The following CFAP61 variants were observed in gnomAD, a reference collection of about 807,000 sequenced individuals.
CFAP61 encodes cilia- and flagella-associated protein 61.
CFAP61 carries 107 observed loss-of-function variants against 135.6 expected under a neutral mutation model. The ratio of observed to expected loss-of-function variants is 0.79; its 90% CI spans 0.67 to 0.93. The LOEUF is 0.93. Ranked by LOEUF, CFAP61 falls within the 40% of genes least tolerant of loss-of-function variation. CFAP61 has a pLI of 0.00. For missense variants in CFAP61, 1,507 were observed against 1,556.2 expected, an observed-to-expected ratio of 0.97 and a Z score of 0.53; for synonymous variants, 575 against 578.5, an observed-to-expected ratio of 0.99 and a Z score of 0.09.
At chr20:20,302,013 A>G (rs1320209173) in intron 25 of CFAP61, among the ~76,000 whole-genome samples, 1 of 152,232 alleles carries the variant, frequency 6.6e-6, no homozygotes, top group Non-Finnish European at 1.5e-5. Flanking sequence ...TGAGTCCAAT[A>G]TCATAACATA....
chr20:20,358,240 G>A (rs930073897), intron 26 of CFAP61, among the ~76,000 whole-genome samples: 2 of 146,592 alleles, frequency 1.4e-5, no homozygotes, highest in East Asian at 2.0e-4. Context: ...CTGAGGGGAA[G>A]TGGTCACACT....
chr20:20,240,133 CT>C (rs2049912438), intron 18 of CFAP61, among the ~76,000 whole-genome samples: 1 of 152,168 alleles, frequency 6.6e-6, no homozygotes, highest in Non-Finnish European at 1.5e-5. Context: ...TGACACCCCC[CT>C]GGAGCATGCC....
At chr20:20,123,912 C>T (rs935044153) in intron 8 of CFAP61, among the ~76,000 whole-genome samples, 2 of 148,164 alleles carry the variant, frequency 1.3e-5, no homozygotes, top group African/African-American at 5.0e-5. Context: ...TTTCTTTCAG[C>T]AGTGTTTTGT....
At chr20:20,056,579 G>A (rs950229617) in intron 1 of CFAP61, 39 bp from the exon 2 acceptor site, 84 of 1,407,648 alleles carry the variant, frequency 6.0e-5, no homozygotes, top group Admixed American at 4.2e-4. Flanking sequence ...AGTTTTGTGT[G>A]TATTATAACC....
chr20:20,110,470 A>G (rs1388092199), intron 8 of CFAP61, among the ~76,000 whole-genome samples: 1 of 152,172 alleles, frequency 6.6e-6, no homozygotes, highest in East Asian at 1.9e-4. Context: ...ATAGATTAGA[A>G]TGCGGAAACA....
intron 6 of CFAP61, chr20:20,085,037 G>T (rs1159282359): frequency 1.2e-6 from 1 of 861,982 alleles, no homozygotes; most frequent in Non-Finnish European, 1.4e-6. Context: ...GACACATTCA[G>T]AATGGAAGAT....
At chr20:20,056,004 G>A in intron 1 of CFAP61, 1 of 1,608,424 alleles carries the variant, frequency 6.2e-7, no homozygotes, top group Non-Finnish European at 8.5e-7. Context: ...GTTCTCCACT[G>A]TTGCCGTCAT....
intron 22 of CFAP61, among the ~76,000 whole-genome samples, chr20:20,287,592 A>G (rs1162503953): frequency 6.6e-6 from 1 of 152,222 alleles, no homozygotes; most frequent in Non-Finnish European, 1.5e-5. Flanking sequence ...GGGGCTGGCT[A>G]CCTCTTGCCC....
chr20:20,304,245 GAGAC>G (rs1569272264), intron 25 of CFAP61, among the ~76,000 whole-genome samples: 1 of 150,424 alleles, frequency 6.6e-6, no homozygotes, highest in Admixed American at 6.6e-5. Flanking sequence ...ACTGAAGAGA[GAGAC>G]AGAACTAATC....
At position 20,253,010 on chromosome 20, in the gene CFAP61, T is replaced by C. The variant is rs537187217; in HGVS notation, c.2328+1247T>C. 5.9e-5 allele frequency among the ~76,000 whole-genome samples: 9 copies of C among 152,328 alleles called. No individual in the cohort carries two copies. The South Asian group carries it at 1.0e-3, about 18-fold the overall frequency. ...AGCTGAGAACCACAAGCTTGCACTT[T>C]CTTGACTAAGAATTCCTCATCTATA... is the stretch of plus-strand genomic sequence containing the variant. On this transcript the variant is annotated intron_variant, in intron 20 of 26. Transcript: ENST00000245957.
rs200616337 is a variant in CFAP61 at position 20,129,617 on chromosome 20, GT to G, written c.860-13226del. Among the ~76,000 whole-genome samples the G allele has an allele frequency of 5.0e-3, 692 of 139,590 alleles. 16 individuals carry two copies. Among genetic ancestry groups the G allele is most frequent in the African/African-American group, 0.011 (429 of 37,744 alleles). The allele number at this position is 139,590 out of a possible 152,430, so 91.6% of individuals were successfully genotyped here. ...TTATCTCTTTCTCAAATTTTGGAAA[GT>G]TTTTTTTTTTTTTAATAAACTTTCT... is the stretch of plus-strand genomic sequence containing the variant. On this transcript the variant is annotated intron_variant, in intron 8 of 26. Transcript: ENST00000245957.
chr20:20,183,058 G>A (rs544987498), intron 13 of CFAP61, among the ~76,000 whole-genome samples: 2 of 152,280 alleles, frequency 1.3e-5, no homozygotes, highest in African/African-American at 4.8e-5. Flanking sequence ...ACCCAGTGTG[G>A]AAGGAATAGT....
chr20:20,164,203 T>C lies in CFAP61; in HGVS notation c.1180T>C (p.Cys394Arg). ...ASAAFCIQLF[C>R]IDEKYEARSL... ...AGCTGCTTTTTGTATTCAGCTGTTT[T>C]GTATTGATGAGAAATATGAAGCAAG... is the stretch of plus-strand genomic sequence containing the variant. Residue 394 changes from cysteine (C) to arginine (R), a missense_variant, in exon 11 of 27, where the codon TGT (cysteine) becomes CGT (arginine). By Grantham distance (180) the Cys-to-Arg change is radical. Coordinates refer to ENST00000245957, the MANE Select transcript of CFAP61 (RefSeq NM_015585.4). The C allele has an allele frequency of 6.2e-7, 1 of 1,613,874 alleles. No homozygotes were observed. Among genetic ancestry groups the C allele is most frequent in the South Asian group, 1.1e-5 (1 of 91,012 alleles).
chr20:20,079,106 T>C (rs183074284), intron 6 of CFAP61, among the ~76,000 whole-genome samples: 1 of 152,326 alleles, frequency 6.6e-6, no homozygotes, highest in African/African-American at 2.4e-5. Flanking sequence ...GAACTTTGGG[T>C]GAGAGGAAGG....
chr20:20,300,233 T>C (rs1484099108), intron 25 of CFAP61, among the ~76,000 whole-genome samples: 2 of 152,194 alleles, frequency 1.3e-5, no homozygotes, highest in Non-Finnish European at 2.9e-5. Flanking sequence ...CTGTCTTATG[T>C]ATTTACTATA....
rs183227908 is a variant in CFAP61 at position 20,192,575 on chromosome 20, T to A, written c.1590+1156T>A. ...CAGCCCTCCTCCCGCGCCACCCTCT[T>A]AGAGTGGGAGTAGCTTGTAGTTGCT... On this transcript the variant is annotated intron_variant, in intron 15 of 26. Transcript: ENST00000245957. Among the ~76,000 whole-genome samples, 35 of 152,188 alleles carry A rather than the reference T, an allele frequency of 2.3e-4. No individual in the cohort carries two copies. In the East Asian group the frequency reaches 6.6e-3, roughly 29 times the overall value.
chr20:20,298,477 G>A, intron 25 of CFAP61, 91 bp downstream of exon 25: 2 of 1,073,328 alleles, frequency 1.9e-6, no homozygotes, highest in Non-Finnish European at 2.7e-6. Context: ...GCACCCGAGA[G>A]CAAAACGGGA....
At position 20,288,901 on chromosome 20, in the gene CFAP61, G is replaced by A. The variant is rs80161121; in HGVS notation, c.3089G>A (p.Arg1030Gln). Residue 1030 changes from arginine to glutamine, a missense_variant, in exon 23 of 27, where the codon CGG becomes CAG. Coordinates refer to ENST00000245957, the MANE Select transcript of CFAP61 (RefSeq NM_015585.4). Reference protein sequence around the residue: ...PVTEPPANLDRLIPMYKGAKI... With the variant: ...PVTEPPANLDQLIPMYKGAKI... ...ACCGAGCCACCAGCTAATCTTGACC[G>A]GCTCATCCCCATGTACAAGGGAGCC... The A allele has an allele frequency of 9.3e-4, 1,505 of 1,612,066 alleles. 6 individuals carry two copies. Among genetic ancestry groups the A allele is most frequent in the South Asian group, 2.0e-3 (183 of 91,046 alleles).
At chr20:20,088,748 C>T (rs180815811) in intron 6 of CFAP61, among the ~76,000 whole-genome samples, 1 of 152,218 alleles carries the variant, frequency 6.6e-6, no homozygotes, top group Non-Finnish European at 1.5e-5. Context: ...GTTTTTTCCT[C>T]CTTGTACCGT....
Sources: allele counts gnomAD v4.1 joint callset (sites outside exome capture counted in the v4.1 genomes callset), GRCh38; gene constraint gnomAD v4.1.1; transcripts MANE v1.5; gene names NCBI Gene and HGNC (gene_info 2026-07-23, HGNC 2026-07-21).